The following SHQ1 variants were observed in gnomAD, a reference collection of about 807,000 sequenced individuals.
The protein encoded by SHQ1 is SHQ1, H/ACA ribonucleoprotein assembly factor.
Under a neutral mutation model 53.8 loss-of-function variants are expected in SHQ1, and 49 were observed. The observed-to-expected ratio is 0.91, with a 90% CI of 0.72 to 1.16. The LOEUF (loss-of-function observed/expected upper bound fraction) is 1.16. SHQ1 is among the 50% of genes most tolerant of loss of function. The pLI, the probability that SHQ1 is intolerant of heterozygous loss-of-function variation, is 0.00. For missense variants in SHQ1, 738 were observed against 683.1 expected, an observed-to-expected ratio of 1.08 and a Z score of -0.90; for synonymous variants, 243 against 251.0, an observed-to-expected ratio of 0.97 and a Z score of 0.30.
the SHQ1 span, among the ~76,000 whole-genome samples, chr3:72,733,434 GA>G: frequency 1.3e-5 from 2 of 149,258 alleles, no homozygotes; most frequent in African/African-American, 4.9e-5. Flanking sequence ...ACAAAATAAT[GA>G]AAAAAAACCA....
chr3:72,836,218 T>TG (rs1707987384), intron 4 of SHQ1, among the ~76,000 whole-genome samples: 1 of 152,084 alleles, frequency 6.6e-6, no homozygotes, highest in Non-Finnish European at 1.5e-5. Flanking sequence ...GGACAGGCAT[T>TG]GTGGCTCACG....
intron 10 of SHQ1, among the ~76,000 whole-genome samples, chr3:72,758,219 A>G (rs535710808): frequency 4.6e-5 from 7 of 152,236 alleles, no homozygotes; most frequent in South Asian, 2.1e-4. Context: ...TTCTTATTCT[A>G]TAACAGTGAG....
chr3:72,797,189 C>T (rs796395266), intron 9 of SHQ1, among the ~76,000 whole-genome samples: 63 of 152,090 alleles, frequency 4.1e-4, no homozygotes, highest in African/African-American at 1.4e-3. Flanking sequence ...ACCCAGGAGG[C>T]GGAGGCTGCA....
At chr3:72,745,426 T>C (rs1414284367), downstream of SHQ1, among the ~76,000 whole-genome samples, 1 of 152,174 alleles carries the variant, frequency 6.6e-6, no homozygotes, top group East Asian at 1.9e-4. Flanking sequence ...CGATTATTCT[T>C]CAAGGATAAT....
chr3:72,826,233 CACAG>C (rs1242665585), intron 5 of SHQ1, among the ~76,000 whole-genome samples: 1 of 152,118 alleles, frequency 6.6e-6, no homozygotes, highest in Non-Finnish European at 1.5e-5. Flanking sequence ...CCAACAGGTG[CACAG>C]ACATATGAGA....
At chr3:72,734,250 T>TTTTA in the SHQ1 span, among the ~76,000 whole-genome samples, 57 of 151,202 alleles carry the variant, frequency 3.8e-4, 2 homozygotes, top group Admixed American at 5.9e-4. Flanking sequence ...ATCATTTTTA[T>TTTTA]TTTATTTATT....
chr3:72,778,480 A>G (rs191147197), intron 10 of SHQ1, among the ~76,000 whole-genome samples: 32 of 152,086 alleles, frequency 2.1e-4, no homozygotes, highest in East Asian at 5.8e-4. Flanking sequence ...GAAAAGAAAA[A>G]AAAGAAATCA....
At chr3:72,806,459 C>G (rs1184008389) in intron 9 of SHQ1, among the ~76,000 whole-genome samples, 1 of 151,978 alleles carries the variant, frequency 6.6e-6, no homozygotes, top group South Asian at 2.1e-4. Context: ...AAAAAAAGTT[C>G]AAGAACAATT....
At chr3:72,728,093 A>G in the SHQ1 span, among the ~76,000 whole-genome samples, 25 of 152,288 alleles carry the variant, frequency 1.6e-4, no homozygotes, top group South Asian at 1.0e-3. Context: ...ATGGCAACAC[A>G]CGGTGAATGC....
At chr3:72,839,766 G>T (rs1478143365) in intron 4 of SHQ1, among the ~76,000 whole-genome samples, 3 of 152,030 alleles carry the variant, frequency 2.0e-5, no homozygotes, top group African/African-American at 7.2e-5. Flanking sequence ...TTGTTTTGTT[G>T]TGTTTGTTCT....
chr3:72,731,515 A>G, the SHQ1 span, among the ~76,000 whole-genome samples: 3 of 150,404 alleles, frequency 2.0e-5, no homozygotes, highest in East Asian at 3.9e-4. Context: ...GTGAAACCCC[A>G]TCTATACTAA....
At chr3:72,746,961 G>A (rs890585140), downstream of SHQ1, among the ~76,000 whole-genome samples, 9 of 152,196 alleles carry the variant, frequency 5.9e-5, no homozygotes, top group Non-Finnish European at 4.4e-5. Flanking sequence ...GAAGTCTTGT[G>A]AACACATTCC....
chr3:72,800,677 G>A (rs1706760703), intron 9 of SHQ1, among the ~76,000 whole-genome samples: 1 of 152,170 alleles, frequency 6.6e-6, no homozygotes, highest in African/African-American at 2.4e-5. Flanking sequence ...CCAGTCTGGA[G>A]TACAAAGAAT....
chr3:72,781,065 C>T (rs147163336), intron 10 of SHQ1, among the ~76,000 whole-genome samples: 111 of 131,026 alleles, frequency 8.5e-4, no homozygotes, highest in Non-Finnish European at 9.9e-4. Flanking sequence ...TTTTTTTTTT[C>T]TTTTTTTTTT....
chr3:72,833,008 T>C (rs1336873415), intron 4 of SHQ1, among the ~76,000 whole-genome samples: 1 of 152,222 alleles, frequency 6.6e-6, no homozygotes, highest in Non-Finnish European at 1.5e-5. Flanking sequence ...AATTTTGGAA[T>C]ACTTGCATTA....
In SHQ1 at chr3:72,841,070, C is replaced by G; in HGVS notation, c.461G>C (p.Arg154Pro). The G allele has an allele frequency of 6.2e-7, 1 of 1,613,724 alleles. No homozygotes were observed. Among genetic ancestry groups the G allele is most frequent in the South Asian group, 1.1e-5 (1 of 90,986 alleles). ...CTGTAACCGTTGCAACACTCCTGATCGTAAGTTTCCAAATCCATAGTGGCA... is the reference window on the plus strand; with the variant it reads ...CTGTAACCGTTGCAACACTCCTGATGGTAAGTTTCCAAATCCATAGTGGCA... Reference protein sequence around the residue: ...PQCHYGFGNLRSGVLQRLQDE... With the variant: ...PQCHYGFGNLPSGVLQRLQDE... Residue 154 changes from arginine to proline, a missense_variant, in exon 4 of 11, where the codon CGA becomes CCA. By Grantham distance (103) the Arg-to-Pro change is moderately radical (BLOSUM62 -2). Transcript: ENST00000325599.
chr3:72,759,803 A>G (rs1050083346), intron 10 of SHQ1, among the ~76,000 whole-genome samples: 7 of 152,240 alleles, frequency 4.6e-5, no homozygotes, highest in African/African-American at 1.4e-4. Flanking sequence ...TAAAACTGCA[A>G]CCATGTACTA....
chr3:72,750,554 G>C lies in SHQ1; in HGVS notation c.1464C>G (p.Val488=). ...DELKDSPSET[V]SSLQGPFLEE... ...CAAGAAAGGGACCTTGCAAAGAACT[G>C]ACTGTCTCAGATGGACTATCTTTGA... Residue 488 remains valine (V), a synonymous_variant, in exon 11 of 11, where the codon GTC becomes GTG. Transcript: ENST00000325599. 1.2e-6 allele frequency: 2 copies of C among 1,614,186 alleles called. No individual in the cohort carries two copies. The highest frequency in any genetic ancestry group is 1.7e-6 in the Non-Finnish European group (2 of 1,180,020).
intron 9 of SHQ1, among the ~76,000 whole-genome samples, chr3:72,808,376 T>C (rs1707018899): frequency 6.6e-6 from 1 of 152,184 alleles, no homozygotes; most frequent in Admixed American, 6.5e-5. Flanking sequence ...CCAGGCTTCA[T>C]ATAATTTCAT....
Sources: allele counts gnomAD v4.1 joint callset (sites outside exome capture counted in the v4.1 genomes callset), GRCh38; gene constraint gnomAD v4.1.1; transcripts MANE v1.5; gene names NCBI Gene and HGNC (gene_info 2026-07-23, HGNC 2026-07-21).